ZNF541: variants seen among roughly 807,000 people sequenced by gnomAD.
ZNF541 encodes zinc finger protein 541.
ZNF541 carries 23 observed loss-of-function variants against 123.5 expected under a neutral mutation model. That is an observed-to-expected ratio of 0.19 (90% CI 0.13 to 0.26). The LOEUF (loss-of-function observed/expected upper bound fraction) is 0.26, where lower values mean the gene tolerates loss of function less well. Ranked by LOEUF, ZNF541 falls within the 10% of genes least tolerant of loss-of-function variation. ZNF541 has a pLI of 1.00. For missense variants in ZNF541, 1,612 were observed against 1,789.9 expected (o/e 0.90, Z 1.79); for synonymous variants, 751 against 754.5 (o/e 1.00, Z 0.08).
chr19:47,564,001 G>A (rs1460828931), intron 2 of ZNF541, among the ~76,000 whole-genome samples: 1 of 152,148 alleles, frequency 6.6e-6, no homozygotes, highest in Non-Finnish European at 1.5e-5. Flanking sequence ...CTAGATTGTA[G>A]TATTACTTCC....
At position 47,539,811 on chromosome 19, in the gene ZNF541, G is replaced by GGACT. The variant is rs1969999705; in HGVS notation, c.2686_2689dup (p.Pro897GlnfsTer129). The GGACT allele has an allele frequency of 1.3e-6, 2 of 1,491,164 alleles. No individual in the cohort carries two copies. Among genetic ancestry groups the GGACT allele is most frequent in the Non-Finnish European group, 1.8e-6 (2 of 1,128,498 alleles). The allele number at this position is 1,491,164 out of a possible 1,614,324, so 92.4% of individuals were successfully genotyped here. ...GTCCAAGGGCTTCTTGGTTCCTGGG[G>GGACT]GACTATGCCTGTCCCCTTCTGGCCT... On this transcript the variant is annotated frameshift_variant, in exon 8 of 17. Coordinates refer to ENST00000391901, the MANE Select transcript of ZNF541 (RefSeq NM_001277075.3). LOFTEE classifies it high-confidence loss of function.
rs534987550 is a variant in ZNF541 at position 47,526,616 on chromosome 19, T to C, written c.3570+2334A>G. Among the ~76,000 whole-genome samples, 2 of 152,068 alleles carry C rather than the reference T, an allele frequency of 1.3e-5. 1 individual carries two copies. Among genetic ancestry groups the C allele is most frequent in the African/African-American group, 4.8e-5 (2 of 41,452 alleles). On this transcript the variant is annotated intron_variant, in intron 14 of 16. Transcript: ENST00000391901. ...AAAAGATGCTCAGCATCGTCAGTTG[T>C]GAAGGAAACACAATGCGATGCCACC...
In ZNF541 at chr19:47,545,777, G is replaced by T; in HGVS notation, c.752C>A (p.Pro251His). The T allele has an allele frequency of 1.1e-5, 17 of 1,540,568 alleles. No homozygotes were observed. The highest frequency in any genetic ancestry group is 1.5e-5 in the Non-Finnish European group (17 of 1,143,702). ...HAHESAGQPP[P>H]SSLRSLVPPE... ...GGGCACCAGGGACCGCAGGCTGCTG[G>T]GGGGCGGCTGGCCGGCCGACTCGTG... Residue 251 changes from proline to histidine, a missense_variant, in exon 5 of 17, where the codon CCC becomes CAC. Coordinates refer to ENST00000391901, the MANE Select transcript of ZNF541 (RefSeq NM_001277075.3). The surrounding 1 kb of genome is among the most constrained non-coding windows in gnomAD (Gnocchi z 7.5).
chr19:47,569,435 C>T (rs1971393391), intron 2 of ZNF541, among the ~76,000 whole-genome samples: 1 of 152,068 alleles, frequency 6.6e-6, no homozygotes, highest in South Asian at 2.1e-4. Context: ...TGCCCAAAAC[C>T]AAGCTAGGAT....
chr19:47,569,583 C>A (rs1971400491), intron 2 of ZNF541, among the ~76,000 whole-genome samples: 1 of 152,152 alleles, frequency 6.6e-6, no homozygotes. Context: ...AGACTTCCAG[C>A]TGGGCAAGGT....
intron 2 of ZNF541, among the ~76,000 whole-genome samples, chr19:47,562,656 T>C (rs1971112103): frequency 6.6e-6 from 1 of 152,066 alleles, no homozygotes. Context: ...CAGCAAAAAA[T>C]TATGAGTCAT....
At position 47,538,410 on chromosome 19, in the gene ZNF541, G is replaced by T; in HGVS notation, c.2826C>A (p.Asp942Glu). 2 of 1,534,630 alleles carry T rather than the reference G, an allele frequency of 1.3e-6. No individual in the cohort carries two copies. Among genetic ancestry groups the T allele is most frequent in the South Asian group, 1.2e-5 (1 of 81,214 alleles). The change falls in exon 9 of 17, where the codon GAC becomes GAA. Residue 942 changes from aspartate to glutamate, a missense_variant. This residue lies in a region of ZNF541 where 1,080 missense variants were observed against 1,013.8 expected (regional missense o/e 1.07). Transcript: ENST00000391901. ...MGQEKDGEER[D>E]SKESSQQRKR... is the part of the protein sequence containing the mutation. ...TTCTCTGCTGGCTGCTCTCCTTGCT[G>T]TCTCGCTCCTCCCCGTCTTTCTCTT...
intron 9 of ZNF541, among the ~76,000 whole-genome samples, chr19:47,535,727 G>T (rs1328595312): frequency 2.8e-5 from 4 of 143,234 alleles, no homozygotes; most frequent in Non-Finnish European, 6.1e-5. Context: ...CCCCAGAGTT[G>T]TTTTTTTTTT....
chr19:47,544,657 T>C lies in ZNF541; in HGVS notation c.1872A>G (p.Pro624=). Residue 624 remains proline, a synonymous_variant, in exon 5 of 17, where the codon CCA becomes CCG. Transcript: ENST00000391901. The part of the protein sequence containing the change: ...GPGNPEAEGS[P]ARRRKTTPGV... The stretch of plus-strand genomic sequence containing the variant: ...CGGGTGTGGTTTTTCTCCTGCGGGC[T>C]GGGGAGCCCTCTGCCTCGGGGTTTC... The C allele has an allele frequency of 6.5e-7, 1 of 1,542,294 alleles. No homozygotes were observed. Among genetic ancestry groups the C allele is most frequent in the Non-Finnish European group, 8.7e-7 (1 of 1,143,956 alleles).
In ZNF541 at chr19:47,532,189, T is replaced by G; in HGVS notation, c.3240A>C (p.Val1080=). ...CCCATGGCTTCCAGACCAGAGAAGCTACATGCTCGTCAGTTCCAGCCAGGG... is the reference window on the plus strand; with the variant it reads ...CCCATGGCTTCCAGACCAGAGAAGCGACATGCTCGTCAGTTCCAGCCAGGG... ...ERSLAGTDEH[V]ASLVWKPWGD... The change falls in exon 11 of 17, where the codon GTA becomes GTC. Residue 1080 remains valine, a synonymous_variant. Coordinates refer to ENST00000391901, the MANE Select transcript of ZNF541 (RefSeq NM_001277075.3). 1 of 1,551,790 alleles carries G rather than the reference T, an allele frequency of 6.4e-7. No individual in the cohort carries two copies. The highest frequency in any genetic ancestry group is 8.7e-7 in the Non-Finnish European group (1 of 1,146,994).
intron 2 of ZNF541, among the ~76,000 whole-genome samples, chr19:47,562,849 A>G (rs1019592262): frequency 3.3e-5 from 5 of 152,140 alleles, no homozygotes; most frequent in African/African-American, 9.7e-5. Flanking sequence ...CCCTGTCTGG[A>G]GAGACCACAT....
At position 47,521,696 on chromosome 19, in the gene ZNF541, C is replaced by T. The variant is rs1316089113; in HGVS notation, c.3712-42G>A. The T allele has an allele frequency of 1.3e-6, 2 of 1,545,266 alleles. No homozygotes were observed. The highest frequency in any genetic ancestry group is 1.7e-6 in the Non-Finnish European group (2 of 1,143,094). Reference sequence around the variant, plus strand: ...AGTGACATAAGGGTGCTGACCTGTCCTGCTGTAAGAGAGACACAGAGCTGG... The same window carrying T: ...AGTGACATAAGGGTGCTGACCTGTCTTGCTGTAAGAGAGACACAGAGCTGG... On this transcript the variant is annotated intron_variant, in intron 15 of 16. Transcript: ENST00000391901. The surrounding 1 kb of genome is among the most constrained non-coding windows in gnomAD (Gnocchi z 4.2).
At chr19:47,572,518 G>A (rs1308366521) in intron 1 of ZNF541, among the ~76,000 whole-genome samples, 1 of 152,094 alleles carries the variant, frequency 6.6e-6, no homozygotes, top group Non-Finnish European at 1.5e-5. Context: ...TTGCGCTAAG[G>A]GAAGTTACTT....
rs1007238008 is a variant in ZNF541, at chr19:47,521,819, G to A, written c.3711+35C>T. 3.9e-6 allele frequency: 6 copies of A among 1,545,506 alleles called. No individual in the cohort carries two copies. The highest frequency in any genetic ancestry group is 4.4e-6 in the Non-Finnish European group (5 of 1,143,120). On this transcript the variant is annotated intron_variant, in intron 15 of 16. Coordinates refer to ENST00000391901, the MANE Select transcript of ZNF541 (RefSeq NM_001277075.3). This position sits in a 1 kb window ranked among gnomAD's most constrained non-coding sequence, Gnocchi z 4.2. The stretch of plus-strand genomic sequence containing the variant: ...CAACGGGTAGCAGGCACTGGGAGGA[G>A]AGAAGAGCTCCCGACACAGCCCTGG...
At chr19:47,562,405 G>A (rs972893540) in intron 2 of ZNF541, among the ~76,000 whole-genome samples, 5 of 151,812 alleles carry the variant, frequency 3.3e-5, no homozygotes, top group East Asian at 1.9e-4. Context: ...TTAGCTGGGC[G>A]TGGTGGTGTG....
intron 14 of ZNF541, among the ~76,000 whole-genome samples, chr19:47,526,497 A>G (rs976704873): frequency 2.5e-4 from 18 of 72,912 alleles, no homozygotes; most frequent in African/African-American, 2.4e-3. Flanking sequence ...AAAAAAAAAA[A>G]AAAGAAAACA....
chr19:47,540,154 G>A (rs767776351), intron 7 of ZNF541, 22 bp downstream of exon 7: 3 of 1,543,640 alleles, frequency 1.9e-6, no homozygotes, highest in Non-Finnish European at 2.6e-6. Context: ...TAACCACCAA[G>A]CCACTGGTCG....
At chr19:47,561,715 TG>T (rs1971070097) in intron 2 of ZNF541, among the ~76,000 whole-genome samples, 1 of 145,230 alleles carries the variant, frequency 6.9e-6, no homozygotes, top group East Asian at 2.0e-4. Flanking sequence ...TTTTCTGTTT[TG>T]TTTTTTTTTT....
intron 3 of ZNF541, 109 bp from the exon 4 acceptor site, chr19:47,549,594 C>T (rs1035070108): frequency 9.7e-6 from 14 of 1,450,432 alleles, no homozygotes; most frequent in African/African-American, 2.8e-5. Context: ...GTAAGTGTTG[C>T]GCGAGAACTC....
Sources: allele counts gnomAD v4.1 joint callset (sites outside exome capture counted in the v4.1 genomes callset), GRCh38; gene constraint gnomAD v4.1.1; regional missense constraint gnomAD v4.1.1; non-coding constraint Gnocchi (gnomAD v3.1); transcripts MANE v1.5; gene names NCBI Gene and HGNC (gene_info 2026-07-23, HGNC 2026-07-21).